Variants in MAP1B observed in about 807,000 individuals in gnomAD.
The protein encoded by MAP1B is microtubule-associated protein 1B.
A neutral mutation model predicts 176.1 loss-of-function variants in MAP1B; 12 were observed. The ratio of observed to expected loss-of-function variants is 0.07; its 90% confidence interval spans 0.04 to 0.11. MAP1B has a LOEUF of 0.11. Among genes scored for constraint, MAP1B ranks in the 10% least tolerant of loss-of-function variants. The probability of loss-of-function intolerance (pLI) is 1.00; values close to 1 mark genes in which losing one functional copy is unlikely to be tolerated. For missense variants in MAP1B, 2,523 were observed against 2,990.5 expected, an observed-to-expected ratio of 0.84 and a Z score of 3.65; for synonymous variants, 1,044 against 1,135.0, an observed-to-expected ratio of 0.92 and a Z score of 1.61.
intron 1 of MAP1B, among the ~76,000 whole-genome samples, chr5:72,114,072 A>G (rs1015074103): frequency 6.6e-6 from 1 of 152,206 alleles, no homozygotes; most frequent in Non-Finnish European, 1.5e-5. Flanking sequence ...TCCACATCTG[A>G]ATTCTTCCCA....
At chr5:72,153,070 C>T (rs535154526) in intron 2 of MAP1B, among the ~76,000 whole-genome samples, 5 of 152,326 alleles carry the variant, frequency 3.3e-5, no homozygotes, top group South Asian at 2.1e-4. Context: ...AAATGTCTGG[C>T]GTCAGGTTCT....
intron 2 of MAP1B, among the ~76,000 whole-genome samples, chr5:72,119,145 G>C (rs1195496690): frequency 6.6e-6 from 1 of 151,794 alleles, no homozygotes; most frequent in Non-Finnish European, 1.5e-5. Context: ...CAAGGTGGGT[G>C]GTGGGTGCCT....
chr5:72,194,487 A>T lies in MAP1B; in HGVS notation c.1132A>T (p.Ile378Leu). The T allele has an allele frequency of 6.2e-7, 1 of 1,614,150 alleles. No homozygotes were observed. Among genetic ancestry groups the T allele is most frequent in the Non-Finnish European group, 8.5e-7 (1 of 1,180,042 alleles). Reference protein sequence around the residue: ...PEPNIKMKRSIEEACFTLQYL... With the variant: ...PEPNIKMKRSLEEACFTLQYL... Reference sequence around the variant, plus strand: ...GCCAAACATCAAGATGAAGAGAAGCATAGAAGAAGCCTGCTTCACTCTCCA... The same window carrying T: ...GCCAAACATCAAGATGAAGAGAAGCTTAGAAGAAGCCTGCTTCACTCTCCA... The change falls in exon 5 of 7, where the codon ATA becomes TTA. Residue 378 changes from isoleucine (I) to leucine (L), a missense_variant. This residue lies in a region of MAP1B where 1,925 missense variants were observed against 2,126.0 expected (regional missense o/e 0.91). Coordinates refer to ENST00000296755, the MANE Select transcript of MAP1B (RefSeq NM_005909.5). The surrounding 1 kb of genome is among the most constrained non-coding windows in gnomAD (Gnocchi z 7.2).
chr5:72,164,253 C>G (rs1398175125), intron 2 of MAP1B, among the ~76,000 whole-genome samples: 1 of 152,068 alleles, frequency 6.6e-6, no homozygotes, highest in Non-Finnish European at 1.5e-5. Context: ...TCTAATTGGA[C>G]TGCATCATTT....
At chr5:72,117,812 C>T (rs1745461222) in intron 2 of MAP1B, among the ~76,000 whole-genome samples, 1 of 152,144 alleles carries the variant, frequency 6.6e-6, no homozygotes, top group East Asian at 1.9e-4. Context: ...CTTTACAGGC[C>T]AAGGCTCCCC....
chr5:72,147,168 C>T (rs946647362), intron 2 of MAP1B, among the ~76,000 whole-genome samples: 4 of 152,120 alleles, frequency 2.6e-5, no homozygotes, highest in Non-Finnish European at 4.4e-5. Context: ...AAGGTTTCAC[C>T]GTGTTGGCTA....
intron 2 of MAP1B, among the ~76,000 whole-genome samples, chr5:72,168,983 A>G (rs962745072): frequency 1.3e-5 from 2 of 152,222 alleles, no homozygotes; most frequent in African/African-American, 2.4e-5. Context: ...CAATTATAAT[A>G]TCCCAGAGGT....
chr5:72,181,131 G>C (rs1329811382), intron 2 of MAP1B, among the ~76,000 whole-genome samples: 2 of 152,192 alleles, frequency 1.3e-5, no homozygotes, highest in Non-Finnish European at 2.9e-5. Flanking sequence ...TCTTAGAACG[G>C]TGCCTGACAT....
At chr5:72,148,052 A>G (rs1158318304) in intron 2 of MAP1B, among the ~76,000 whole-genome samples, 1 of 152,244 alleles carries the variant, frequency 6.6e-6, no homozygotes. Flanking sequence ...ATTATAAGGC[A>G]TTACTCAGTT....
At position 72,198,853 on chromosome 5, in the gene MAP1B, G is replaced by A. The variant is rs199724316; in HGVS notation, c.5498G>A (p.Arg1833His). 72 of 1,614,160 alleles carry A rather than the reference G, an allele frequency of 4.5e-5. No individual in the cohort carries two copies. In the East Asian group the frequency reaches 1.3e-3, roughly 29 times the overall value. Residue 1833 changes from arginine to histidine, a missense_variant, in exon 5 of 7, where the codon CGT becomes CAT. By Grantham distance (29) the Arg-to-His change is conservative. Transcript: ENST00000296755. ...DAASAEPYGF[R>H]ASVLFDTMQH... is the part of the protein sequence containing the mutation. ...GCATCCGCAGAGCCCTATGGCTTCC[G>A]TGCCTCAGTGTTATTCGATACAATG...
At chr5:72,148,405 C>A (rs972099492) in intron 2 of MAP1B, among the ~76,000 whole-genome samples, 1 of 152,214 alleles carries the variant, frequency 6.6e-6, no homozygotes, top group Non-Finnish European at 1.5e-5. Context: ...AGGAAATCAG[C>A]CACCTGTCCT....
chr5:72,152,088 C>A (rs908666860), intron 2 of MAP1B, among the ~76,000 whole-genome samples: 1 of 152,158 alleles, frequency 6.6e-6, no homozygotes, highest in African/African-American at 2.4e-5. Flanking sequence ...ACTGAATGTC[C>A]TTTTACCATG....
chr5:72,185,097 G>A (rs1049940073), intron 3 of MAP1B, among the ~76,000 whole-genome samples: 6 of 152,198 alleles, frequency 3.9e-5, no homozygotes, highest in Admixed American at 3.9e-4. Context: ...TAGCCTAACA[G>A]TTTCAAGGTT....
chr5:72,115,875 C>A, intron 2 of MAP1B, 76 bp downstream of exon 2: 1 of 1,030,004 alleles, frequency 9.7e-7, no homozygotes, highest in African/African-American at 1.6e-5. Flanking sequence ...TTGTCTGAGG[C>A]AGCAAAAAGA....
At chr5:72,193,172 G>A (rs114863966) in intron 4 of MAP1B, 11,477 of 325,464 alleles carry the variant, frequency 0.035, 281 homozygotes, top group Non-Finnish European at 0.043. Flanking sequence ...CAATCAGCGT[G>A]CACTGATGCC....
intron 2 of MAP1B, among the ~76,000 whole-genome samples, chr5:72,137,942 A>G (rs1745866608): frequency 6.6e-6 from 1 of 152,176 alleles, no homozygotes; most frequent in Non-Finnish European, 1.5e-5. Flanking sequence ...TATGCATCGT[A>G]TCTTGGAAAC....
At chr5:72,182,669 C>T (rs1277441706) in intron 2 of MAP1B, among the ~76,000 whole-genome samples, 1 of 152,182 alleles carries the variant, frequency 6.6e-6, no homozygotes, top group Non-Finnish European at 1.5e-5. Flanking sequence ...TGCTTTTGGT[C>T]ATTCTCTCCT....
chr5:72,148,014 T>TA (rs1746076404), intron 2 of MAP1B, among the ~76,000 whole-genome samples: 1 of 152,202 alleles, frequency 6.6e-6, no homozygotes, highest in African/African-American at 2.4e-5. Flanking sequence ...AGGTGAATGG[T>TA]AAGTTTCTCT....
chr5:72,117,657 AG>A (rs1432482477), intron 2 of MAP1B, among the ~76,000 whole-genome samples: 19 of 152,324 alleles, frequency 1.2e-4, no homozygotes, highest in African/African-American at 3.8e-4. Flanking sequence ...ACCTTCAGTA[AG>A]GATTAGTTAC....
Sources: allele counts gnomAD v4.1 joint callset (sites outside exome capture counted in the v4.1 genomes callset), GRCh38; gene constraint gnomAD v4.1.1; regional missense constraint gnomAD v4.1.1; non-coding constraint Gnocchi (gnomAD v3.1); transcripts MANE v1.5; gene names NCBI Gene and HGNC (gene_info 2026-07-23, HGNC 2026-07-21).